Variants in ITIH1 observed in about 807,000 individuals in gnomAD.
ITIH1 encodes the protein inter-alpha-trypsin inhibitor heavy chain 1.
Under a neutral mutation model 104.6 loss-of-function variants are expected in ITIH1, and 94 were observed. That is an observed-to-expected ratio of 0.90 (90% CI 0.76 to 1.07). ITIH1 has a LOEUF of 1.07. Ranked by LOEUF, ITIH1 falls within the 50% of genes least tolerant of loss-of-function variation. The probability of loss-of-function intolerance (pLI) is 0.00; values close to 1 mark genes in which losing one functional copy is unlikely to be tolerated. For synonymous variants in ITIH1, 455 were observed against 464.4 expected (o/e 0.98, Z 0.26); for missense variants, 1,193 against 1,181.4 (o/e 1.01, Z -0.14).
rs761089193 is a variant in ITIH1 at position 52,788,261 on chromosome 3, G to T, written c.2035G>T (p.Val679Leu). Residue 679 changes from valine (V) to leucine (L), a missense_variant, in exon 18 of 22, where the codon GTG (valine) becomes TTG (leucine). Transcript: ENST00000273283. ...VDTDPHFIIH[V>L]PQKEDTLCFN... ...CACAGACCCTCACTTCATCATCCACGTGCCCCAGAAAGAGGACACCCTGTG... is the reference window on the plus strand; with the variant it reads ...CACAGACCCTCACTTCATCATCCACTTGCCCCAGAAAGAGGACACCCTGTG... The T allele has an allele frequency of 2.5e-6, 4 of 1,611,964 alleles. No individual in the cohort carries two copies. Among genetic ancestry groups the T allele is most frequent in the East Asian group, 2.2e-5 (1 of 44,846 alleles).
chr3:52,791,513 C>G lies in ITIH1; in HGVS notation c.2495-4C>G, dbSNP rs1323825552. On this transcript the variant is annotated splice_region_variant and splice_polypyrimidine_tract_variant and intron_variant, in intron 20 of 21. Coordinates refer to ENST00000273283, the MANE Select transcript of ITIH1 (RefSeq NM_002215.4). ...TAACCGCTGTCTCCAATGTGCCTTT[C>G]TAGGGCAATTTTTCCACCCCATCGG... is the stretch of plus-strand genomic sequence containing the variant. 6.2e-7 allele frequency: 1 copy of G among 1,613,086 alleles called. No individual in the cohort carries two copies. The highest frequency in any genetic ancestry group is 8.5e-7 in the Non-Finnish European group (1 of 1,179,358).
chr3:52,777,857 G>A, intron 1 of ITIH1, 125 bp downstream of exon 1: 1 of 1,363,458 alleles, frequency 7.3e-7, no homozygotes. Flanking sequence ...TCTGAGTGGA[G>A]AGGTGACCTC....
At position 52,784,322 on chromosome 3, in the gene ITIH1, A is replaced by C. The variant is rs780507798; in HGVS notation, c.1252A>C (p.Lys418Gln). The C allele has an allele frequency of 2.0e-5, 32 of 1,613,902 alleles. No homozygotes were observed. In the South Asian group the frequency reaches 3.5e-4, roughly 18 times the overall value. Residue 418 changes from lysine to glutamine, a missense_variant, in exon 11 of 22, where the codon AAG becomes CAG. Transcript: ENST00000273283. Reference sequence around the variant, plus strand: ...GGTGACGGACCGTTCCCAAATCCTCAAGAACGTCCGCAACGCCATCCGGGG... The same window carrying C: ...GGTGACGGACCGTTCCCAAATCCTCCAGAACGTCCGCAACGCCATCCGGGG... ...EGVTDRSQIL[K>Q]NVRNAIRGRF...
chr3:52,789,908 G>A (rs1467197536), intron 19 of ITIH1, 54 bp downstream of exon 19: 2 of 1,568,138 alleles, frequency 1.3e-6, no homozygotes, highest in East Asian at 4.5e-5. Context: ...CTGGGCCCAG[G>A]ACTCTGCTGA....
Position 52,788,364 on chromosome 3 carries a change from C to T in ITIH1, c.2119+19C>T. On this transcript the variant is annotated intron_variant, in intron 18 of 21. Coordinates refer to ENST00000273283, the MANE Select transcript of ITIH1 (RefSeq NM_002215.4). ...AACACAGGTATGGCGGGCATCACAC[C>T]TCTGCCAGACAGGGCCAGGGCTCCT... 1 of 1,476,740 alleles carries T rather than the reference C, an allele frequency of 6.8e-7. No homozygotes were observed. Among genetic ancestry groups the T allele is most frequent in the Non-Finnish European group, 9.4e-7 (1 of 1,068,272 alleles). The allele number at this position is 1,476,740 out of a possible 1,614,324, so 91.5% of individuals were successfully genotyped here.
chr3:52,789,726 G>A lies in ITIH1; in HGVS notation c.2193G>A (p.Gly731=). 2 of 1,614,266 alleles carry A rather than the reference G, an allele frequency of 1.2e-6. No homozygotes were observed. Among genetic ancestry groups the A allele is most frequent in the South Asian group, 1.1e-5 (1 of 91,088 alleles). ...GGCAGCATGACGGCACGTACTTCGG[G>A]CGGCTGGGAATCGCAAACCCTGCCA... ...SPGQHDGTYF[G]RLGIANPATD... is the part of the protein sequence containing the mutation. The change falls in exon 19 of 22, where the codon GGG becomes GGA. Residue 731 remains glycine (G), a synonymous_variant. Coordinates refer to ENST00000273283, the MANE Select transcript of ITIH1 (RefSeq NM_002215.4).
chr3:52,778,337 T>C lies in ITIH1; in HGVS notation c.139-3T>C, dbSNP rs1255619486. ...GCCACAGCTCCTTCATGTCTCACTT[T>C]AGGCTGTCGATGGCGTGTTCATCCG... On this transcript the variant is annotated splice_region_variant and splice_polypyrimidine_tract_variant and intron_variant, in intron 2 of 21. Coordinates refer to ENST00000273283, the MANE Select transcript of ITIH1 (RefSeq NM_002215.4). The C allele has an allele frequency of 6.2e-7, 1 of 1,614,080 alleles. No homozygotes were observed. The highest frequency in any genetic ancestry group is 8.5e-7 in the Non-Finnish European group (1 of 1,180,016).
At chr3:52,782,684 A>G (rs1027893059) in intron 8 of ITIH1, among the ~76,000 whole-genome samples, 2 of 152,172 alleles carry the variant, frequency 1.3e-5, no homozygotes, top group African/African-American at 4.8e-5. Context: ...GGAGTATTCT[A>G]GAAGCACAGC....
At chr3:52,787,770 G>A in intron 16 of ITIH1, 158 bp downstream of exon 16, 2 of 972,450 alleles carry the variant, frequency 2.1e-6, no homozygotes, top group Non-Finnish European at 3.3e-6. Context: ...GAGGTCCCTG[G>A]GGGAGGAGAC....
chr3:52,787,354 A>C, intron 15 of ITIH1, 152 bp downstream of exon 15: 1 of 1,207,326 alleles, frequency 8.3e-7, no homozygotes, highest in Non-Finnish European at 1.2e-6. Context: ...CCTTCTCCAC[A>C]TCACCGCGAA....
At chr3:52,781,862 C>A in intron 6 of ITIH1, 78 bp from the exon 7 acceptor site, 1 of 1,560,624 alleles carries the variant, frequency 6.4e-7, no homozygotes, top group Non-Finnish European at 8.7e-7. Context: ...CACACGCATG[C>A]CTTCTTATGT....
rs1433693561 is a variant in ITIH1 at position 52,788,363 on chromosome 3, C to A, written c.2119+18C>A. 6.7e-7 allele frequency: 1 copy of A among 1,489,988 alleles called. No homozygotes were observed. The highest frequency in any genetic ancestry group is 2.3e-5 in the East Asian group (1 of 43,320). The allele number at this position is 1,489,988 out of a possible 1,614,324, so 92.3% of individuals were successfully genotyped here. ...CAACACAGGTATGGCGGGCATCACA[C>A]CTCTGCCAGACAGGGCCAGGGCTCC... On this transcript the variant is annotated intron_variant, in intron 18 of 21. Transcript: ENST00000273283.
Position 52,787,977 on chromosome 3 carries a change from TC to T in ITIH1, c.1925-6del, listed in dbSNP as rs745613271. On this transcript the variant is annotated splice_region_variant and splice_polypyrimidine_tract_variant and intron_variant, in intron 16 of 21. Transcript: ENST00000273283. Reference sequence around the variant, plus strand: ...CCCCGCTTCTAAATGCCACTCCCCCTCCCATCAGCGTTCGTGCTGTCAGCCT... The same window carrying T: ...CCCCGCTTCTAAATGCCACTCCCCCTCCATCAGCGTTCGTGCTGTCAGCCT... The T allele has an allele frequency of 8.5e-4, 552 of 647,676 alleles. No homozygotes were observed. The highest frequency in any genetic ancestry group is 1.2e-3 in the Non-Finnish European group (533 of 444,052). The allele number at this position is 647,676 out of a possible 1,614,324, so 40.1% of individuals were successfully genotyped here.
chr3:52,789,609 G>C (rs1699294256), intron 18 of ITIH1, 44 bp from the exon 19 acceptor site: 3 of 1,566,986 alleles, frequency 1.9e-6, no homozygotes, highest in Non-Finnish European at 2.6e-6. Flanking sequence ...AGCAAAGGCA[G>C]GCAGGCCCCT....
At position 52,789,845 on chromosome 3, in the gene ITIH1, G is replaced by T. The variant is rs202159479; in HGVS notation, c.2312G>T (p.Arg771Leu). ...VFSWRDQAVL[R>L]QDGVVVTINK... ...TCCTGGAGGGACCAAGCTGTGCTGC[G>T]GCAGGACGGGTAACCTGCCAGGGCC... Residue 771 changes from arginine to leucine, a missense_variant, in exon 19 of 22, where the codon CGG becomes CTG. Coordinates refer to ENST00000273283, the MANE Select transcript of ITIH1 (RefSeq NM_002215.4). 3 of 1,614,124 alleles carry T rather than the reference G, an allele frequency of 1.9e-6. No individual in the cohort carries two copies. Among genetic ancestry groups the T allele is most frequent in the East Asian group, 4.5e-5 (2 of 44,868 alleles).
Position 52,788,004 on chromosome 3 carries a change from T to A in ITIH1, c.1943T>A (p.Leu648Ter). The A allele has an allele frequency of 6.2e-7, 1 of 1,613,796 alleles. No individual in the cohort carries two copies. Among genetic ancestry groups the A allele is most frequent in the Non-Finnish European group, 8.5e-7 (1 of 1,179,848 alleles). Residue 648 changes from leucine to a stop codon, truncating the protein, a stop_gained, in exon 17 of 22, where the codon TTG becomes TAG. Coordinates refer to ENST00000273283, the MANE Select transcript of ITIH1 (RefSeq NM_002215.4). LOFTEE classifies it high-confidence loss of function. The part of the protein sequence containing the change: ...GPRRTFVLSA[L>*]QPSPTHSSSN... ...CCATCAGCGTTCGTGCTGTCAGCCT[T>A]GCAGCCTTCTCCTACTCATTCCAGC... is the stretch of plus-strand genomic sequence containing the variant.
intron 8 of ITIH1, 58 bp downstream of exon 8, chr3:52,782,325 C>T: frequency 7.5e-7 from 1 of 1,327,322 alleles, no homozygotes; most frequent in Non-Finnish European, 1.1e-6. Context: ...CCATCACTCA[C>T]CACATGCCAG....
chr3:52,780,444 C>G (rs1578729518), intron 6 of ITIH1, 62 bp downstream of exon 6: 1 of 1,143,786 alleles, frequency 8.7e-7, no homozygotes. Flanking sequence ...CTGCCCACCC[C>G]TTATGGAATG....
intron 12 of ITIH1, 30 bp from the exon 13 acceptor site, chr3:52,786,265 C>T: frequency 1.3e-6 from 2 of 1,557,710 alleles, no homozygotes; most frequent in Non-Finnish European, 1.7e-6. Context: ...TATCATGGTG[C>T]ACCACCCCTC....
Sources: allele counts gnomAD v4.1 joint callset (sites outside exome capture counted in the v4.1 genomes callset), GRCh38; gene constraint gnomAD v4.1.1; transcripts MANE v1.5; gene names NCBI Gene and HGNC (gene_info 2026-07-23, HGNC 2026-07-21).